EDARADD: variants seen among roughly 807,000 people sequenced by gnomAD.
EDARADD encodes the protein EDAR associated via death domain, also known as ectodysplasin-A receptor-associated adapter protein.
In EDARADD, 20 loss-of-function variants were observed where a neutral mutation model predicts 25.6. The observed-to-expected ratio is 0.78, with a 90% CI of 0.55 to 1.14. The LOEUF is 1.14. EDARADD is among the 50% of genes most tolerant of loss of function. The pLI is 0.00. For synonymous variants in EDARADD, 86 were observed against 94.4 expected (o/e 0.91, Z 0.52); for missense variants, 225 against 270.1 (o/e 0.83, Z 1.17).
intron 3 of EDARADD, among the ~76,000 whole-genome samples, chr1:236,385,724 CA>C (rs78521779): frequency 0.84 from 109,026 of 129,452 alleles, 46,044 homozygotes; most frequent in Middle Eastern, 0.94. Flanking sequence ...AACTCCATCT[CA>C]AAAAAAAAAA....
intron 4 of EDARADD, among the ~76,000 whole-genome samples, chr1:236,446,219 C>G (rs569414928): frequency 5.3e-5 from 8 of 152,260 alleles, no homozygotes; most frequent in African/African-American, 1.9e-4. Context: ...TCCTGTACAG[C>G]CCTTGGCCTG....
chr1:236,395,678 C>T lies in EDARADD; in HGVS notation c.61+1173C>T. On this transcript the variant is annotated intron_variant, in intron 1 of 5. Transcript: ENST00000334232. This position sits in a 1 kb window ranked among gnomAD's most constrained non-coding sequence, Gnocchi z 6.9. Reference sequence around the variant, plus strand: ...GCGCGCAGGTAAAGGGACACAGCGCCGCGCCCGCTCCTGGAGCGAGCACCG... The same window carrying T: ...GCGCGCAGGTAAAGGGACACAGCGCTGCGCCCGCTCCTGGAGCGAGCACCG... 1.3e-6 allele frequency: 2 copies of T among 1,562,588 alleles called. No homozygotes were observed. The highest frequency in any genetic ancestry group is 1.7e-6 in the Non-Finnish European group (2 of 1,157,648).
chr1:236,423,124 G>T (rs866325410), intron 3 of EDARADD, among the ~76,000 whole-genome samples: 1 of 152,208 alleles, frequency 6.6e-6, no homozygotes, highest in African/African-American at 2.4e-5. Flanking sequence ...GGGGGTCCTA[G>T]TGGGACTGCC....
intron 3 of EDARADD, among the ~76,000 whole-genome samples, chr1:236,385,492 G>A (rs1219421810): frequency 6.6e-6 from 1 of 151,412 alleles, no homozygotes; most frequent in Non-Finnish European, 1.5e-5. Flanking sequence ...GGGAGGCTGA[G>A]GTGGGCAGAT....
At chr1:236,477,582 C>T (rs1008802935) in intron 5 of EDARADD, among the ~76,000 whole-genome samples, 3 of 151,830 alleles carry the variant, frequency 2.0e-5, no homozygotes, top group Non-Finnish European at 4.4e-5. Context: ...GGGAAGACTT[C>T]GTGGAAAGGG....
intron 4 of EDARADD, among the ~76,000 whole-genome samples, chr1:236,429,276 G>T (rs953863387): frequency 6.7e-6 from 1 of 148,902 alleles, no homozygotes; most frequent in Admixed American, 6.7e-5. Context: ...GTGCGATCTC[G>T]GCTCACTGTA....
intron 1 of EDARADD, among the ~76,000 whole-genome samples, chr1:236,405,338 A>C (rs765428984): frequency 6.6e-6 from 1 of 152,168 alleles, no homozygotes; most frequent in Non-Finnish European, 1.5e-5. Context: ...TTGGCCTCAT[A>C]ACCCTCCAAC....
intron 4 of EDARADD, among the ~76,000 whole-genome samples, chr1:236,464,533 G>A (rs1030213585): frequency 6.8e-6 from 1 of 146,760 alleles, no homozygotes; most frequent in South Asian, 2.2e-4. Context: ...CCCGGGTTCA[G>A]GTGATTCTCC....
Position 236,484,156 on chromosome 1 carries a change from C to A in EDARADD, c.*1507C>A. 7.5e-7 allele frequency: 1 copy of A among 1,334,742 alleles called. No homozygotes were observed. The highest frequency in any genetic ancestry group is 1.1e-6 in the Non-Finnish European group (1 of 926,338). The allele number at this position is 1,334,742 out of a possible 1,614,324, so 82.7% of individuals were successfully genotyped here. ...ACCAACCCAAAGAGGACAGCCTCGG[C>A]CGTGAATGAGAAGAAGTGCAACTGC... On this transcript the variant is annotated 3_prime_UTR_variant, in exon 6 of 6. Coordinates refer to ENST00000334232, the MANE Select transcript of EDARADD (RefSeq NM_145861.4). The surrounding 1 kb of genome is among the most constrained non-coding windows in gnomAD (Gnocchi z 4.1).
At chr1:236,427,368 T>C (rs746878779) in intron 3 of EDARADD, 24 bp from the exon 4 acceptor site, 1 of 1,605,424 alleles carries the variant, frequency 6.2e-7, no homozygotes, top group Admixed American at 1.7e-5. Flanking sequence ...TGTTTCTTTC[T>C]TTCTTTCTTT....
chr1:236,454,170 T>C (rs1658788055), intron 4 of EDARADD, among the ~76,000 whole-genome samples: 1 of 152,250 alleles, frequency 6.6e-6, no homozygotes, highest in East Asian at 1.9e-4. Context: ...CTCAGCCTCC[T>C]GAGTAGCTGG....
intron 3 of EDARADD, among the ~76,000 whole-genome samples, chr1:236,427,007 G>C (rs1657938672): frequency 6.6e-6 from 1 of 152,132 alleles, no homozygotes; most frequent in South Asian, 2.1e-4. Flanking sequence ...TCAGCCTCCA[G>C]AGTAGCTAGG....
intron 4 of EDARADD, among the ~76,000 whole-genome samples, chr1:236,465,659 T>C (rs1207875606): frequency 6.6e-6 from 1 of 152,194 alleles, no homozygotes; most frequent in Non-Finnish European, 1.5e-5. Flanking sequence ...TCCCAGCATA[T>C]CTTGAGGTCA....
intron 5 of EDARADD, among the ~76,000 whole-genome samples, chr1:236,477,765 A>C (rs1659551166): frequency 6.6e-6 from 1 of 152,162 alleles, no homozygotes; most frequent in Admixed American, 6.5e-5. Context: ...CCACTTAAAA[A>C]AAATCCTTGA....
intron 1 of EDARADD, among the ~76,000 whole-genome samples, chr1:236,405,562 C>G (rs182368103): frequency 2.6e-5 from 4 of 152,320 alleles, no homozygotes; most frequent in Non-Finnish European, 1.5e-5. Flanking sequence ...TCCAAGGCCA[C>G]AGCTCTAGAC....
rs1401894785 is a variant in EDARADD, at chr1:236,395,081, C to T, written c.61+576C>T. On this transcript the variant is annotated intron_variant, in intron 1 of 5. Transcript: ENST00000334232. The surrounding 1 kb of genome is among the most constrained non-coding windows in gnomAD (Gnocchi z 6.9). The stretch of plus-strand genomic sequence containing the variant: ...GAAATTTGTCTAAATATCAGATCGC[C>T]GGCGGGCATCTCAGCCCAGGCCTGT... 1.3e-5 allele frequency among the ~76,000 whole-genome samples: 2 copies of T among 152,228 alleles called. No homozygotes were observed. Among genetic ancestry groups the T allele is most frequent in the Non-Finnish European group, 2.9e-5 (2 of 68,034 alleles).
chr1:236,425,526 A>G (rs1304541186), intron 3 of EDARADD, among the ~76,000 whole-genome samples: 1 of 147,656 alleles, frequency 6.8e-6, no homozygotes, highest in Non-Finnish European at 1.5e-5. Flanking sequence ...CACTTCACAA[A>G]CAGTGCCTGT....
intron 3 of EDARADD, among the ~76,000 whole-genome samples, chr1:236,365,146 TTTC>T (rs1480034190): frequency 9.1e-6 from 1 of 109,494 alleles, no homozygotes; most frequent in Non-Finnish European, 1.8e-5. Flanking sequence ...TAGGTTTTCT[TTTC>T]TTTTTTTTTT....
At chr1:236,405,874 C>CTTCCTTCCTTCCTTCTTTCTTTCTTTCT (rs56931070) in intron 1 of EDARADD, among the ~76,000 whole-genome samples, 3 of 30,914 alleles carry the variant, frequency 9.7e-5, no homozygotes, top group South Asian at 1.3e-3. Flanking sequence ...TCCTTCCTTC[C>CTTCCTTCCTTCCTTCTTTCTTTCTTTCT]TTCTTTCTTT....
Sources: allele counts gnomAD v4.1 joint callset (sites outside exome capture counted in the v4.1 genomes callset), GRCh38; gene constraint gnomAD v4.1.1; non-coding constraint Gnocchi (gnomAD v3.1); transcripts MANE v1.5; gene names NCBI Gene and HGNC (gene_info 2026-07-23, HGNC 2026-07-21).